The following ITM2A variants were observed in gnomAD, a reference collection of about 807,000 sequenced individuals.
The protein encoded by ITM2A is integral membrane protein 2A.
ITM2A carries 11 observed loss-of-function variants against 16.6 expected under a neutral mutation model. The observed-to-expected ratio is 0.66, with a 90% CI of 0.42 to 1.10. ITM2A has a LOEUF of 1.10. Ranked by LOEUF, ITM2A falls within the 50% of genes least tolerant of loss-of-function variation. The probability of loss-of-function intolerance (pLI) is 0.00; values close to 1 mark genes in which losing one functional copy is unlikely to be tolerated. For synonymous variants in ITM2A, 102 were observed against 71.2 expected, an observed-to-expected ratio of 1.43 and a Z score of -2.18; for missense variants, 243 against 206.8, an observed-to-expected ratio of 1.17 and a Z score of -1.07.
In ITM2A at chrX:79,362,596, G is replaced by A; in HGVS notation, c.537C>T (p.Leu179=). The A allele has an allele frequency of 8.5e-7, 1 of 1,181,142 alleles. No homozygotes were observed. The change falls in exon 4 of 6, where the codon CTC becomes CTT. Residue 179 remains leucine (L), a synonymous_variant. Coordinates refer to ENST00000373298, the MANE Select transcript of ITM2A (RefSeq NM_004867.5). ...AAATACATACCGCCAGTTTGCCAAA[G>A]AGCTCTACCAGATTTTTTGGAGGCA... The part of the protein sequence containing the change: ...IVMPPKNLVE[L]FGKLASGRYL...
Position 79,363,472 on chromosome X carries a change from G to A in ITM2A, c.194C>T (p.Ala65Val). The A allele has an allele frequency of 8.4e-7, 1 of 1,185,123 alleles. No homozygotes were observed. ...GCAGGCTCCACCAACAATAAGTCCTGCCAAGATGAATGAAAGGCCTAAGAG... is the reference window on the plus strand; with the variant it reads ...GCAGGCTCCACCAACAATAAGTCCTACCAAGATGAATGAAAGGCCTAAGAG... ...LTLLGLSFIL[A>V]GLIVGGACIY... Residue 65 changes from alanine (A) to valine (V), a missense_variant, in exon 2 of 6, where the codon GCA becomes GTA. Coordinates refer to ENST00000373298, the MANE Select transcript of ITM2A (RefSeq NM_004867.5).
chrX:79,361,601 A>T, intron 4 of ITM2A, 122 bp from the exon 5 acceptor site: 1 of 573,399 alleles, frequency 1.7e-6, no homozygotes, highest in Non-Finnish European at 2.8e-6. Context: ...TGTTGTAGAG[A>T]TTATTTAATC....
chrX:79,367,018 C>T (rs1925598951), intron 1 of ITM2A, 87 bp downstream of exon 1: 3 of 633,833 alleles, frequency 4.7e-6, no homozygotes, highest in Non-Finnish European at 7.2e-6. Context: ...GCAAGAGGGG[C>T]CCTCCCAGGG....
rs1925491241 is a variant in ITM2A at position 79,363,406 on chromosome X, A to G, written c.243+17T>C. 1.9e-6 allele frequency: 2 copies of G among 1,073,798 alleles called. No individual in the cohort carries two copies. Among genetic ancestry groups the G allele is most frequent in the Admixed American group, 3.6e-5 (1 of 27,544 alleles). The allele number at this position is 1,073,798 out of a possible 1,213,427, so 88.5% of individuals were successfully genotyped here. ...AGTAGTAATCCAAAGTATAATAATTATAATTATTATTATTACCTTGGGCAT... is the reference window on the plus strand; with the variant it reads ...AGTAGTAATCCAAAGTATAATAATTGTAATTATTATTATTACCTTGGGCAT... On this transcript the variant is annotated intron_variant, in intron 2 of 5. Transcript: ENST00000373298.
intron 1 of ITM2A, 153 bp downstream of exon 1, chrX:79,366,952 C>T: frequency 2.3e-6 from 1 of 432,224 alleles, no homozygotes; most frequent in South Asian, 3.5e-5. Flanking sequence ...GCAGAAGGTG[C>T]CGCAAGGAGA....
Position 79,367,142 on chromosome X carries a change from A to G in ITM2A, c.74T>C (p.Leu25Pro). The G allele has an allele frequency of 8.3e-7, 1 of 1,208,471 alleles. No homozygotes were observed. Among genetic ancestry groups the G allele is most frequent in the African/African-American group, 1.7e-5 (1 of 57,559 alleles). ...TATCTGAGTTCTGACCGTGCGGCTCAGGAGGGCCTCCACGTCTTGCCGCGC... is the reference window on the plus strand; with the variant it reads ...TATCTGAGTTCTGACCGTGCGGCTCGGGAGGGCCTCCACGTCTTGCCGCGC... ...EEARQDVEALLSRTVRTQILT... is the reference protein window; with the variant it reads ...EEARQDVEALPSRTVRTQILT... Residue 25 changes from leucine (L) to proline (P), a missense_variant, in exon 1 of 6, where the codon CTG becomes CCG. Coordinates refer to ENST00000373298, the MANE Select transcript of ITM2A (RefSeq NM_004867.5).
At chrX:79,366,826 T>G in intron 1 of ITM2A, 2 of 279,245 alleles carry the variant, frequency 7.2e-6, no homozygotes, top group Non-Finnish European at 6.2e-6. Flanking sequence ...TGACAAGGAG[T>G]CCCAGGGCAT....
At chrX:79,366,223 C>A (rs1034980129) in intron 1 of ITM2A, among the ~76,000 whole-genome samples, 2 of 111,527 alleles carry the variant, frequency 1.8e-5, no homozygotes. Context: ...TGGGGAAGAG[C>A]TTCCCCAGTT....
At chrX:79,367,084 A>C in intron 1 of ITM2A, 21 bp downstream of exon 1, 18 of 989,659 alleles carry the variant, frequency 1.8e-5, no homozygotes, top group Non-Finnish European at 2.3e-5. Flanking sequence ...CCCCTCCCCC[A>C]TCCCGCCCTG....
intron 4 of ITM2A, among the ~76,000 whole-genome samples, 174 bp downstream of exon 4, chrX:79,362,407 C>G (rs1461407246): frequency 8.9e-6 from 1 of 111,906 alleles, no homozygotes; most frequent in Non-Finnish European, 1.9e-5. Context: ...CAGATAATGA[C>G]TGTAAAAAAT....
chrX:79,367,068 C>T, intron 1 of ITM2A, 37 bp downstream of exon 1: 1 of 969,761 alleles, frequency 1.0e-6, no homozygotes. Context: ...TTCTTTCTTT[C>T]GCCCACCCCT....
chrX:79,367,032 C>G, intron 1 of ITM2A, 73 bp downstream of exon 1: 1 of 736,215 alleles, frequency 1.4e-6, no homozygotes, highest in African/African-American at 2.1e-5. Context: ...CCCAGGGAAG[C>G]TACATTTTCT....
chrX:79,360,959 C>A lies in ITM2A; in HGVS notation c.*130G>T. ...CAGTGGTTAGTAGTTTTTTTTTTTCCTTTTTTTAAAGCATAAGCAATAGAG... is the reference window on the plus strand; with the variant it reads ...CAGTGGTTAGTAGTTTTTTTTTTTCATTTTTTTAAAGCATAAGCAATAGAG... On this transcript the variant is annotated 3_prime_UTR_variant, in exon 6 of 6. Transcript: ENST00000373298. The A allele has an allele frequency of 3.4e-6, 1 of 297,068 alleles. No homozygotes were observed. The highest frequency in any genetic ancestry group is 5.5e-6 in the Non-Finnish European group (1 of 182,647). The allele number at this position is 297,068 out of a possible 1,213,427, so 24.5% of individuals were successfully genotyped here. A position where few individuals can be genotyped will look rare whatever the true frequency, so the allele number is the denominator to read the frequency against.
chrX:79,366,605 A>C (rs1925582897), intron 1 of ITM2A, among the ~76,000 whole-genome samples: 1 of 110,963 alleles, frequency 9.0e-6, no homozygotes, highest in African/African-American at 3.3e-5. Context: ...TGCTCACCCC[A>C]CCTCCACGAA....
intron 1 of ITM2A, chrX:79,366,901 G>A: frequency 2.5e-6 from 1 of 405,630 alleles, no homozygotes; most frequent in Non-Finnish European, 4.3e-6. Context: ...ACAGAACATG[G>A]CACGACACGC....
intron 4 of ITM2A, among the ~76,000 whole-genome samples, chrX:79,362,338 T>C (rs1302057201): frequency 9.0e-6 from 1 of 111,474 alleles, no homozygotes; most frequent in African/African-American, 3.3e-5. Context: ...TTTTGGAAAA[T>C]GTCTGTTCAT....
chrX:79,363,018 T>C lies in ITM2A; in HGVS notation c.365A>G (p.Asn122Ser). 8.3e-7 allele frequency: 1 copy of C among 1,206,370 alleles called. No individual in the cohort carries two copies. The highest frequency in any genetic ancestry group is 1.1e-6 in the Non-Finnish European group (1 of 890,738). The change falls in exon 3 of 6, where the codon AAC (asparagine) becomes AGC (serine). Residue 122 changes from asparagine to serine, a missense_variant. Physicochemically the swap from Asn to Ser is conservative, Grantham distance 46. Coordinates refer to ENST00000373298, the MANE Select transcript of ITM2A (RefSeq NM_004867.5). ...GACAGGCACATCAATGATTGCAATG[T>C]TGTCATCCTCACGAATGTCAGCCTC... The part of the protein sequence containing the change: ...TEEADIREDD[N>S]IAIIDVPVPS...
At position 79,362,701 on chromosome X, in the gene ITM2A, A is replaced by AG; in HGVS notation, c.442-11dup. The AG allele has an allele frequency of 8.9e-7, 1 of 1,123,018 alleles. No homozygotes were observed. Among genetic ancestry groups the AG allele is most frequent in the Non-Finnish European group, 1.2e-6 (1 of 821,785 alleles). 92.5% of individuals were successfully genotyped at this position (1,123,018 alleles called of 1,213,427 possible). On this transcript the variant is annotated splice_polypyrimidine_tract_variant and intron_variant, in intron 3 of 5. Coordinates refer to ENST00000373298, the MANE Select transcript of ITM2A (RefSeq NM_004867.5). ...GGTAAGCAGTCATTCCCTGTTAGGT[A>AG]GGGGAAAAAAGTCAGGTAAGACACA...
intron 1 of ITM2A, among the ~76,000 whole-genome samples, chrX:79,366,627 C>T (rs754251761): frequency 6.3e-5 from 7 of 111,480 alleles, no homozygotes; most frequent in South Asian, 3.8e-4. Context: ...ACTCAGAGAT[C>T]ATAGAAAGAT....
Sources: allele counts gnomAD v4.1 joint callset (sites outside exome capture counted in the v4.1 genomes callset), GRCh38; gene constraint gnomAD v4.1.1; transcripts MANE v1.5; gene names NCBI Gene and HGNC (gene_info 2026-07-23, HGNC 2026-07-21).